Variants in ADGRL2 observed in about 807,000 individuals in gnomAD.
ADGRL2 encodes adhesion G protein-coupled receptor L2.
In ADGRL2, 44 loss-of-function variants were observed where a neutral mutation model predicts 157.4. That is an observed-to-expected ratio of 0.28 (90% CI 0.22 to 0.36). The LOEUF (loss-of-function observed/expected upper bound fraction) is 0.36. Among genes scored for constraint, ADGRL2 ranks in the 10% least tolerant of loss-of-function variants. The probability of loss-of-function intolerance (pLI) is 1.00; values close to 1 mark genes in which losing one functional copy is unlikely to be tolerated. For missense variants in ADGRL2, 1,510 were observed against 1,768.9 expected (o/e 0.85, Z 2.63); for synonymous variants, 585 against 624.7 (o/e 0.94, Z 0.95).
At chr1:81,556,259 T>C (rs1557457055) in intron 2 of ADGRL2, among the ~76,000 whole-genome samples, 1 of 150,734 alleles carries the variant, frequency 6.6e-6, no homozygotes, top group Non-Finnish European at 1.5e-5. Flanking sequence ...GGGGTAATTA[T>C]CATAAAAGGC....
intron 1 of ADGRL2, among the ~76,000 whole-genome samples, chr1:81,316,158 G>A (rs1381121627): frequency 6.6e-6 from 1 of 151,788 alleles, no homozygotes; most frequent in Non-Finnish European, 1.5e-5. Context: ...AAGAAGAAAG[G>A]TAGACAAGGA....
At chr1:81,306,637 G>A (rs1389423268) in intron 1 of ADGRL2, 1 of 152,070 alleles carries the variant, frequency 6.6e-6, no homozygotes, top group African/African-American at 2.4e-5. Flanking sequence ...GGTGCCTCAC[G>A]CTTTTGTTAC....
At chr1:81,862,114 TTAAGG>T (rs1204379210) in intron 2 of ADGRL2, among the ~76,000 whole-genome samples, 2 of 152,132 alleles carry the variant, frequency 1.3e-5, no homozygotes, top group African/African-American at 4.8e-5. Context: ...AATTTGTAAC[TTAAGG>T]TAATAGAAAA....
At chr1:81,504,900 C>G (rs1157644613) in intron 2 of ADGRL2, among the ~76,000 whole-genome samples, 2 of 152,180 alleles carry the variant, frequency 1.3e-5, no homozygotes, top group Non-Finnish European at 2.9e-5. Flanking sequence ...CCTCCTGGAC[C>G]CTGCGCGGGA....
At chr1:81,449,132 TA>T (rs1045484491) in intron 2 of ADGRL2, among the ~76,000 whole-genome samples, 4 of 152,126 alleles carry the variant, frequency 2.6e-5, no homozygotes, top group Non-Finnish European at 5.9e-5. Context: ...GGGGGCTAAA[TA>T]ACCAGTGATA....
chr1:81,496,382 G>A (rs1243432035), intron 2 of ADGRL2, among the ~76,000 whole-genome samples: 1 of 152,082 alleles, frequency 6.6e-6, no homozygotes, highest in Non-Finnish European at 1.5e-5. Context: ...AAAAAAGGGG[G>A]AGAAATCATT....
chr1:81,549,705 T>A (rs2080098847), intron 2 of ADGRL2, among the ~76,000 whole-genome samples: 1 of 152,152 alleles, frequency 6.6e-6, no homozygotes, highest in Non-Finnish European at 1.5e-5. Context: ...GATCACGGGA[T>A]GAGAAATTCA....
chr1:81,888,613 T>G (rs1315075503), intron 2 of ADGRL2, among the ~76,000 whole-genome samples: 3 of 152,028 alleles, frequency 2.0e-5, no homozygotes, highest in Non-Finnish European at 4.4e-5. Context: ...TAATTTTGTT[T>G]TTGTATTTTT....
chr1:81,311,581 A>G (rs180825185), intron 1 of ADGRL2, among the ~76,000 whole-genome samples: 1 of 152,280 alleles, frequency 6.6e-6, no homozygotes, highest in Admixed American at 6.5e-5. Flanking sequence ...GTAAAAATCG[A>G]GTTAGCTTAT....
intron 1 of ADGRL2, among the ~76,000 whole-genome samples, chr1:81,385,396 C>T (rs2076417779): frequency 1.3e-5 from 2 of 152,042 alleles, no homozygotes; most frequent in Non-Finnish European, 2.9e-5. Context: ...GTTCATATTA[C>T]TGCATTTGTG....
At chr1:81,850,321 T>TC (rs2092955925) in intron 2 of ADGRL2, among the ~76,000 whole-genome samples, 1 of 140,814 alleles carries the variant, frequency 7.1e-6, no homozygotes, top group African/African-American at 2.4e-5. Flanking sequence ...GTCTTCTTTC[T>TC]CCCCCTCCTC....
intron 1 of ADGRL2, among the ~76,000 whole-genome samples, chr1:81,409,690 C>T (rs2076916768): frequency 6.6e-6 from 1 of 152,180 alleles, no homozygotes. Flanking sequence ...CTTTGTGAAT[C>T]TCCATTAGTC....
intron 1 of ADGRL2, among the ~76,000 whole-genome samples, chr1:81,353,521 T>C (rs1663064524): frequency 6.6e-6 from 1 of 152,062 alleles, no homozygotes; most frequent in Non-Finnish European, 1.5e-5. Flanking sequence ...TCAGGGATGA[T>C]GAGAGCTTTA....
intron 1 of ADGRL2, among the ~76,000 whole-genome samples, chr1:81,307,716 T>G (rs984585459): frequency 1.3e-5 from 2 of 152,272 alleles, no homozygotes; most frequent in East Asian, 1.9e-4. Flanking sequence ...GACATAAATC[T>G]TACATTTCAT....
rs565713460 is a variant in ADGRL2, at chr1:81,376,707, C to T, written c.-301-68329C>T. 1.1e-4 allele frequency among the ~76,000 whole-genome samples: 16 copies of T among 152,102 alleles called. No individual in the cohort carries two copies. In the South Asian group the frequency reaches 3.3e-3, roughly 32 times the overall value. On this transcript the variant is annotated intron_variant, in intron 1 of 24. Transcript: ENST00000370721. Reference sequence around the variant, plus strand: ...AATATTTTGTGATTTGGCATGAGGTCCACTTAACTCATGCATGACAGAAGA... The same window carrying T: ...AATATTTTGTGATTTGGCATGAGGTTCACTTAACTCATGCATGACAGAAGA...
intron 3 of ADGRL2, among the ~76,000 whole-genome samples, chr1:81,929,898 C>T (rs1382033099): frequency 6.6e-6 from 1 of 152,052 alleles, no homozygotes; most frequent in Non-Finnish European, 1.5e-5. Context: ...CCTGCACTAT[C>T]CCATTTAACC....
chr1:81,907,127 GCTAA>G lies in ADGRL2; in HGVS notation c.188_191del (p.Asn63MetfsTer30). On this transcript the variant is annotated frameshift_variant, in exon 3 of 24. Transcript: ENST00000686636. LOFTEE classifies it high-confidence loss of function. ...CAGTGATGTCATCATGATTGAGAGC[GCTAA>G]CTATGGTCGGACGGATGACAAGATT... 1 of 1,613,992 alleles carries G rather than the reference GCTAA, an allele frequency of 6.2e-7. No homozygotes were observed. Among genetic ancestry groups the G allele is most frequent in the Non-Finnish European group, 8.5e-7 (1 of 1,179,938 alleles).
intron 2 of ADGRL2, chr1:81,503,083 C>T (rs1300102235): frequency 1.9e-6 from 3 of 1,609,298 alleles, no homozygotes; most frequent in African/African-American, 2.7e-5. Flanking sequence ...GTCAGGGGAG[C>T]CTGCTGAGAA....
Position 81,943,056 on chromosome 1 carries a change from A to C in ADGRL2, c.497A>C (p.Asp166Ala). 1 of 1,613,268 alleles carries C rather than the reference A, an allele frequency of 6.2e-7. No homozygotes were observed. The highest frequency in any genetic ancestry group is 8.5e-7 in the Non-Finnish European group (1 of 1,179,486). Residue 166 changes from aspartate (D) to alanine (A), a missense_variant, in exon 6 of 24, where the codon GAC becomes GCC. Physicochemically the swap from Asp to Ala is moderately radical, Grantham distance 126. Coordinates refer to ENST00000686636, the MANE Select transcript of ADGRL2 (RefSeq NM_001366006.2). The surrounding 1 kb of genome is among the most constrained non-coding windows in gnomAD (Gnocchi z 5.6). ...AEQKAGAWCK[D>A]PLQAADKIYF... ...CAAAAGGCGGGTGCTTGGTGCAAGG[A>C]CCCTCTTCAGGCTGCAGATAAAATT...
Sources: allele counts gnomAD v4.1 joint callset (sites outside exome capture counted in the v4.1 genomes callset), GRCh38; gene constraint gnomAD v4.1.1; non-coding constraint Gnocchi (gnomAD v3.1); transcripts MANE v1.5; gene names NCBI Gene and HGNC (gene_info 2026-07-23, HGNC 2026-07-21).